Variants in DAB1 observed in about 807,000 individuals in gnomAD.
DAB1 encodes DAB adaptor protein 1.
In DAB1, 15 loss-of-function variants were observed where a neutral mutation model predicts 64.6. The observed-to-expected ratio is 0.23, with a 90% confidence interval of 0.16 to 0.36. The LOEUF is 0.36. DAB1 is among the 10% of genes least tolerant of loss of function. The probability of loss-of-function intolerance (pLI) is 1.00; values close to 1 mark genes in which losing one functional copy is unlikely to be tolerated. For synonymous variants in DAB1, 235 were observed against 251.9 expected (o/e 0.93, Z 0.64); for missense variants, 596 against 706.7 (o/e 0.84, Z 1.78).
intron 3 of DAB1, among the ~76,000 whole-genome samples, chr1:58,430,959 G>A (rs1644864371): frequency 1.3e-5 from 2 of 152,210 alleles, no homozygotes; most frequent in South Asian, 4.1e-4. Context: ...GATGCCATTA[G>A]CATTCCCGGC....
intron 5 of DAB1, among the ~76,000 whole-genome samples, chr1:58,046,414 A>G (rs1241623131): frequency 6.6e-6 from 1 of 152,046 alleles, no homozygotes; most frequent in African/African-American, 2.4e-5. Context: ...CATAGAACAC[A>G]TTTACATAAA....
At chr1:57,576,877 C>T (rs558725382) in intron 7 of DAB1, among the ~76,000 whole-genome samples, 5 of 152,296 alleles carry the variant, frequency 3.3e-5, no homozygotes, top group African/African-American at 1.2e-4. Context: ...TGCCCTCGGC[C>T]GCTTGCCACA....
intron 2 of DAB1, among the ~76,000 whole-genome samples, chr1:57,227,031 C>T (rs911531825): frequency 6.6e-6 from 1 of 151,540 alleles, no homozygotes; most frequent in East Asian, 1.9e-4. Flanking sequence ...AAAAAAATTG[C>T]CATGTGTAGT....
intron 3 of DAB1, among the ~76,000 whole-genome samples, chr1:58,376,144 G>C (rs1644323091): frequency 6.6e-6 from 1 of 151,816 alleles, no homozygotes; most frequent in Non-Finnish European, 1.5e-5. Context: ...TGGGTTCATT[G>C]ATTTTTTGAA....
chr1:57,674,286 G>A (rs1646540749), intron 6 of DAB1, among the ~76,000 whole-genome samples: 1 of 152,114 alleles, frequency 6.6e-6, no homozygotes, highest in Admixed American at 6.6e-5. Context: ...GACCCAAGAA[G>A]AGATATTGTG....
chr1:57,028,959 G>A (rs1287311984), intron 9 of DAB1, among the ~76,000 whole-genome samples: 1 of 152,204 alleles, frequency 6.6e-6, no homozygotes, highest in Non-Finnish European at 1.5e-5. Flanking sequence ...CAAGCCAGCT[G>A]CAGAAATTTG....
At chr1:58,456,750 T>C (rs1645196557) in intron 3 of DAB1, among the ~76,000 whole-genome samples, 1 of 152,130 alleles carries the variant, frequency 6.6e-6, no homozygotes, top group African/African-American at 2.4e-5. Flanking sequence ...AATTAAGCCT[T>C]AAGTATGGCT....
intron 7 of DAB1, among the ~76,000 whole-genome samples, chr1:57,641,916 C>T (rs968769228): frequency 2.0e-5 from 3 of 152,128 alleles, no homozygotes; most frequent in African/African-American, 7.2e-5. Flanking sequence ...GAGCAGTTCA[C>T]AAATTTCATC....
At chr1:57,572,672 G>C (rs1021560689) in intron 7 of DAB1, among the ~76,000 whole-genome samples, 7 of 152,110 alleles carry the variant, frequency 4.6e-5, no homozygotes, top group Non-Finnish European at 1.0e-4. Flanking sequence ...GGTCATTCTT[G>C]TGTTGCTATA....
chr1:57,031,114 C>G (rs1312612256), intron 9 of DAB1, among the ~76,000 whole-genome samples: 2 of 152,108 alleles, frequency 1.3e-5, no homozygotes, highest in African/African-American at 4.8e-5. Flanking sequence ...GATTTTCACT[C>G]AAGGATTAAA....
intron 10 of DAB1, among the ~76,000 whole-genome samples, chr1:57,025,200 G>T (rs898196328): frequency 3.3e-5 from 5 of 152,218 alleles, no homozygotes; most frequent in African/African-American, 1.2e-4. Flanking sequence ...GGCCATCTCG[G>T]CTCTTTTCTT....
At chr1:57,340,855 G>A (rs1267846060) in intron 1 of DAB1, among the ~76,000 whole-genome samples, 2 of 152,064 alleles carry the variant, frequency 1.3e-5, no homozygotes, top group Non-Finnish European at 2.9e-5. Context: ...CTACAAGAAG[G>A]GCCCTCCTGC....
At chr1:57,632,061 T>C (rs145258510) in intron 7 of DAB1, among the ~76,000 whole-genome samples, 196 of 152,290 alleles carry the variant, frequency 1.3e-3, no homozygotes, top group African/African-American at 4.4e-3. Flanking sequence ...GTAGAAGATA[T>C]TGTCTGAGGT....
intron 2 of DAB1, among the ~76,000 whole-genome samples, chr1:57,244,915 T>A (rs967129297): frequency 3.9e-5 from 6 of 152,204 alleles, no homozygotes; most frequent in African/African-American, 1.4e-4. Context: ...CGAATTGTAA[T>A]CCCCATGTGT....
chr1:57,955,539 T>TGAG (rs67689240), intron 5 of DAB1, among the ~76,000 whole-genome samples: 1 of 151,772 alleles, frequency 6.6e-6, no homozygotes, highest in African/African-American at 2.4e-5. Flanking sequence ...TGTCATTTTC[T>TGAG]GTTTCACTTT....
At chr1:58,258,796 A>G (rs1660989391) in intron 4 of DAB1, among the ~76,000 whole-genome samples, 1 of 152,196 alleles carries the variant, frequency 6.6e-6, no homozygotes. Context: ...GTAGGTGTTG[A>G]AGGGGGTCTA....
chr1:57,323,827 G>A (rs1348096431), intron 1 of DAB1, among the ~76,000 whole-genome samples: 1 of 152,040 alleles, frequency 6.6e-6, no homozygotes, highest in Non-Finnish European at 1.5e-5. Context: ...TGAGATCGGG[G>A]TGGCGAAATG....
At chr1:57,153,161 G>C (rs968943575) in intron 2 of DAB1, among the ~76,000 whole-genome samples, 3 of 152,102 alleles carry the variant, frequency 2.0e-5, no homozygotes, top group African/African-American at 7.2e-5. Context: ...GAATCACTGG[G>C]ATTACAGGCG....
chr1:57,532,836 G>A (rs574168907), intron 7 of DAB1, among the ~76,000 whole-genome samples: 133 of 152,234 alleles, frequency 8.7e-4, no homozygotes, highest in African/African-American at 3.2e-3. Context: ...AATAACTACA[G>A]CTATAGTAGT....
Sources: allele counts gnomAD v4.1 joint callset (sites outside exome capture counted in the v4.1 genomes callset), GRCh38; gene constraint gnomAD v4.1.1; transcripts MANE v1.5; gene names NCBI Gene and HGNC (gene_info 2026-07-23, HGNC 2026-07-21).